CHD9: variants seen among roughly 807,000 people sequenced by gnomAD.
CHD9 encodes the protein ATP-dependent chromatin remodeler CHD9.
In CHD9, 77 loss-of-function variants were observed where a neutral mutation model predicts 316.1. The ratio of observed to expected loss-of-function variants is 0.24; its 90% CI spans 0.20 to 0.29. The LOEUF (loss-of-function observed/expected upper bound fraction) is 0.29, where lower values mean the gene tolerates loss of function less well. Ranked by LOEUF, CHD9 falls within the 10% of genes least tolerant of loss-of-function variation. The pLI, the probability that CHD9 is intolerant of heterozygous loss-of-function variation, is 1.00. For synonymous variants in CHD9, 1,129 were observed against 1,158.3 expected (o/e 0.97, Z 0.51); for missense variants, 2,763 against 3,438.1 (o/e 0.80, Z 4.91).
At chr16:53,301,646 G>T (rs569804300) in intron 30 of CHD9, among the ~76,000 whole-genome samples, 1 of 151,572 alleles carries the variant, frequency 6.6e-6, no homozygotes, top group East Asian at 1.9e-4. Flanking sequence ...ATTTTTGCAT[G>T]GTCCTTGATT....
chr16:53,163,887 A>G (rs1002097260), intron 2 of CHD9, among the ~76,000 whole-genome samples: 1 of 152,232 alleles, frequency 6.6e-6, no homozygotes, highest in African/African-American at 2.4e-5. Context: ...AATACTTAAC[A>G]TATGTTATCA....
chr16:53,195,898 C>G (rs1332531532), intron 2 of CHD9, among the ~76,000 whole-genome samples: 2 of 151,868 alleles, frequency 1.3e-5, no homozygotes, highest in Non-Finnish European at 2.9e-5. Flanking sequence ...GCTGGGATCA[C>G]AGGCGTGTGC....
chr16:53,275,155 C>T (rs145866616), intron 24 of CHD9, among the ~76,000 whole-genome samples: 51 of 152,252 alleles, frequency 3.3e-4, no homozygotes, highest in East Asian at 2.3e-3. Flanking sequence ...CCTCAGCTCC[C>T]TGAGTAGCTG....
rs367665261 is a variant in CHD9, at chr16:53,208,334, G to C, written c.1453-1148G>C. ...ACGCCAAAAATGTCTTCAGTGAAGA[G>C]GCCAAGAGGAAGGGTAAGTGAAAGC... On this transcript the variant is annotated intron_variant, in intron 2 of 38. Coordinates refer to ENST00000447540, the MANE Select transcript of CHD9 (RefSeq NM_001308319.2). The C allele has an allele frequency of 1.4e-5, 18 of 1,281,124 alleles. No homozygotes were observed. In the East Asian group the frequency reaches 3.4e-4, roughly 25 times the overall value. The allele number at this position is 1,281,124 out of a possible 1,614,324, so 79.4% of individuals were successfully genotyped here. A position where few individuals can be genotyped will look rare whatever the true frequency, so the allele number is the denominator to read the frequency against.
In CHD9 at chr16:53,222,524, C is replaced by T. The variant is rs117503094; in HGVS notation, c.1785-120C>T. 1.1e-3 allele frequency: 665 copies of T among 598,300 alleles called. 2 individuals are homozygous for T. In the East Asian group the frequency reaches 0.018, roughly 16 times the overall value. 37.1% of individuals were successfully genotyped at this position (598,300 alleles called of 1,614,324 possible). The stretch of plus-strand genomic sequence containing the variant: ...ACGTGGATTTCAGGATGATTATCAT[C>T]CTTGGTTGGACATGCAAGTGATATA... On this transcript the variant is annotated intron_variant, in intron 3 of 38. Coordinates refer to ENST00000447540, the MANE Select transcript of CHD9 (RefSeq NM_001308319.2).
chr16:53,204,123 C>CGTGTGT (rs59131817), intron 2 of CHD9, among the ~76,000 whole-genome samples: 125 of 142,140 alleles, frequency 8.8e-4, no homozygotes, highest in East Asian at 2.7e-3. Flanking sequence ...ATCTAGATAA[C>CGTGTGT]GTGTGTGTGT....
intron 2 of CHD9, among the ~76,000 whole-genome samples, chr16:53,160,381 A>G (rs2041825610): frequency 1.3e-5 from 2 of 152,194 alleles, no homozygotes; most frequent in Admixed American, 6.5e-5. Flanking sequence ...GATAATTATA[A>G]ATAACTAAAG....
chr16:53,138,773 A>G (rs749560786), intron 1 of CHD9, among the ~76,000 whole-genome samples: 5 of 152,236 alleles, frequency 3.3e-5, no homozygotes, highest in Non-Finnish European at 7.3e-5. Context: ...GTACACATTT[A>G]TGGGGACAAA....
At chr16:53,071,933 G>T (rs2034095743) in intron 1 of CHD9, among the ~76,000 whole-genome samples, 1 of 152,146 alleles carries the variant, frequency 6.6e-6, no homozygotes, top group Non-Finnish European at 1.5e-5. Flanking sequence ...TTACCCTCAG[G>T]ACAGCTGGTG....
At chr16:53,216,662 T>G (rs1458480184) in intron 3 of CHD9, among the ~76,000 whole-genome samples, 1 of 152,190 alleles carries the variant, frequency 6.6e-6, no homozygotes, top group East Asian at 1.9e-4. Flanking sequence ...TTTAAAATTT[T>G]AAGTGTTCTA....
At chr16:53,194,155 A>G (rs1044167866) in intron 2 of CHD9, among the ~76,000 whole-genome samples, 1 of 151,940 alleles carries the variant, frequency 6.6e-6, no homozygotes, top group African/African-American at 2.4e-5. Context: ...CAAGAATTCA[A>G]GGTTCCAGTG....
At chr16:53,111,409 A>G (rs2037856287) in intron 1 of CHD9, among the ~76,000 whole-genome samples, 1 of 152,252 alleles carries the variant, frequency 6.6e-6, no homozygotes, top group South Asian at 2.1e-4. Context: ...GTCTTTTTCA[A>G]GAAAGAATTT....
chr16:53,293,282 T>A (rs2153056445), intron 29 of CHD9, among the ~76,000 whole-genome samples: 3 of 151,442 alleles, frequency 2.0e-5, no homozygotes. Context: ...ACTGTAATCA[T>A]TTTTTTTGTC....
Position 53,155,936 on chromosome 16 carries a change from C to T in CHD9, c.-154C>T, listed in dbSNP as rs2041493484. The T allele has an allele frequency of 1.4e-6, 1 of 691,810 alleles. No homozygotes were observed. The highest frequency in any genetic ancestry group is 4.2e-4 in the Middle Eastern group (1 of 2,408). 42.9% of individuals were successfully genotyped at this position (691,810 alleles called of 1,614,324 possible). A position where few individuals can be genotyped will look rare whatever the true frequency, so the allele number is the denominator to read the frequency against. ...TTCCTTTTTTTCTAGGATTTTGACA[C>T]TTCATGACATGTCATTATTTAGAGC... On this transcript the variant is annotated 5_prime_UTR_variant, in exon 2 of 39. Transcript: ENST00000447540.
intron 1 of CHD9, among the ~76,000 whole-genome samples, chr16:53,132,109 G>T (rs1431566360): frequency 1.3e-5 from 2 of 151,970 alleles, no homozygotes. Context: ...TTTTTTTGGG[G>T]GGGGTGGTTT....
chr16:53,182,242 T>C (rs2043587180), intron 2 of CHD9, among the ~76,000 whole-genome samples: 1 of 152,158 alleles, frequency 6.6e-6, no homozygotes, highest in African/African-American at 2.4e-5. Context: ...TCACCCAGGC[T>C]GGAATGCAGT....
At chr16:53,146,668 A>T (rs1307831542) in intron 1 of CHD9, among the ~76,000 whole-genome samples, 1 of 147,060 alleles carries the variant, frequency 6.8e-6, no homozygotes, top group Non-Finnish European at 1.5e-5. Flanking sequence ...GTATGGTGAC[A>T]CATGCCTGTA....
At chr16:53,132,150 CT>C (rs777757825) in intron 1 of CHD9, among the ~76,000 whole-genome samples, 1 of 151,028 alleles carries the variant, frequency 6.6e-6, no homozygotes, top group African/African-American at 2.4e-5. Context: ...AAAAATAAAA[CT>C]TTTCAGAACA....
At chr16:53,292,223 G>A (rs2054398763) in intron 28 of CHD9, among the ~76,000 whole-genome samples, 1 of 152,154 alleles carries the variant, frequency 6.6e-6, no homozygotes, top group African/African-American at 2.4e-5. Context: ...CATCCCAGAG[G>A]AACAGTGCCT....
Sources: gnomAD v4.1 joint callset for allele counts (sites outside exome capture counted in the v4.1 genomes callset) on GRCh38, gnomAD v4.1.1 for gene constraint, MANE v1.5 for transcripts, NCBI Gene and HGNC (gene_info 2026-07-23, HGNC 2026-07-21) for gene names.